Variants in CCDC102B observed in about 807,000 individuals in gnomAD.
CCDC102B encodes coiled-coil domain-containing protein 102B.
CCDC102B carries 75 observed loss-of-function variants against 57.4 expected under a neutral mutation model. The ratio of observed to expected loss-of-function variants is 1.31; its 90% CI spans 1.08 to 1.58. The LOEUF (loss-of-function observed/expected upper bound fraction) is 1.58. CCDC102B is among the 40% of genes most tolerant of loss of function. The pLI is 0.00. For synonymous variants in CCDC102B, 206 were observed against 201.9 expected (o/e 1.02, Z -0.17); for missense variants, 636 against 582.6 (o/e 1.09, Z -0.94).
chr18:68,726,835 A>C (rs1362485895), intron 2 of CCDC102B, among the ~76,000 whole-genome samples: 1 of 152,166 alleles, frequency 6.6e-6, no homozygotes, highest in Non-Finnish European at 1.5e-5. Context: ...TACCATGATC[A>C]TGAATCTGAT....
chr18:68,942,462 G>A lies in CCDC102B; in HGVS notation c.1263+45034G>A, dbSNP rs557648279. Among the ~76,000 whole-genome samples the A allele has an allele frequency of 1.3e-4, 20 of 152,150 alleles. No homozygotes were observed. In the South Asian group the frequency reaches 1.7e-3, roughly 13 times the overall value. ...CAGTATTTATTGATCATTATCGGGC[G>A]TTTCTCAGAGAGGGGAATGTGGCAG... is the stretch of plus-strand genomic sequence containing the variant. On this transcript the variant is annotated intron_variant, in intron 6 of 7. Transcript: ENST00000360242.
At chr18:68,952,841 A>G (rs1239403992) in intron 6 of CCDC102B, among the ~76,000 whole-genome samples, 2 of 152,188 alleles carry the variant, frequency 1.3e-5, no homozygotes, top group African/African-American at 2.4e-5. Context: ...GAAAATTTAT[A>G]TTGTTTGAAT....
chr18:68,805,615 A>G (rs2036005988), intron 1 of CCDC102B, among the ~76,000 whole-genome samples: 1 of 152,162 alleles, frequency 6.6e-6, no homozygotes, highest in African/African-American at 2.4e-5. Flanking sequence ...AGGTCAAAAA[A>G]GAGAGTTATG....
chr18:68,912,730 A>G (rs2040920175), intron 6 of CCDC102B, among the ~76,000 whole-genome samples: 1 of 152,218 alleles, frequency 6.6e-6, no homozygotes, highest in Non-Finnish European at 1.5e-5. Flanking sequence ...TGAAGCCCTT[A>G]TCCTAGATTC....
At chr18:69,057,865 CA>C (rs1448069313), downstream of CCDC102B, among the ~76,000 whole-genome samples, 3 of 151,940 alleles carry the variant, frequency 2.0e-5, no homozygotes, top group African/African-American at 7.2e-5. Context: ...CTTTTAGGTT[CA>C]GTGGGTACAT....
intron 6 of CCDC102B, among the ~76,000 whole-genome samples, chr18:68,927,458 T>C (rs1031109640): frequency 6.6e-6 from 1 of 152,026 alleles, no homozygotes. Flanking sequence ...GTCAATAGTT[T>C]TTACCTCCCC....
chr18:68,954,381 C>T (rs1295723161), intron 6 of CCDC102B, among the ~76,000 whole-genome samples: 1 of 152,180 alleles, frequency 6.6e-6, no homozygotes, highest in Admixed American at 6.6e-5. Flanking sequence ...GATCATGCCA[C>T]TGCGCTCCAG....
intron 6 of CCDC102B, among the ~76,000 whole-genome samples, chr18:69,002,948 A>G (rs1363232083): frequency 1.3e-5 from 2 of 151,998 alleles, no homozygotes; most frequent in Admixed American, 1.3e-4. Context: ...GAGTTCTCCC[A>G]CCTACCTGCA....
chr18:68,770,566 T>C (rs1321918557), intron 2 of CCDC102B, among the ~76,000 whole-genome samples: 1 of 152,162 alleles, frequency 6.6e-6, no homozygotes, highest in East Asian at 1.9e-4. Flanking sequence ...GGGGGGAGAA[T>C]TGTGGCTAAT....
chr18:68,883,319 G>C (rs1273428880), intron 5 of CCDC102B, among the ~76,000 whole-genome samples: 1 of 152,032 alleles, frequency 6.6e-6, no homozygotes, highest in Non-Finnish European at 1.5e-5. Flanking sequence ...GCTGAGGCAA[G>C]AGAATCGCTC....
chr18:68,994,288 G>A (rs1461082041), intron 6 of CCDC102B, among the ~76,000 whole-genome samples: 1 of 152,126 alleles, frequency 6.6e-6, no homozygotes, highest in Non-Finnish European at 1.5e-5. Flanking sequence ...AGTGAAGTTT[G>A]TAAATATTCA....
intron 1 of CCDC102B, among the ~76,000 whole-genome samples, chr18:68,833,383 G>T (rs1214303567): frequency 7.7e-5 from 11 of 142,458 alleles, no homozygotes; most frequent in Non-Finnish European, 1.4e-4. Flanking sequence ...TGCTTTTCCT[G>T]TTTTTTTTTT....
At chr18:68,944,342 A>G (rs1287405746) in intron 6 of CCDC102B, among the ~76,000 whole-genome samples, 3 of 152,098 alleles carry the variant, frequency 2.0e-5, no homozygotes, top group African/African-American at 4.8e-5. Flanking sequence ...AGCACATTTA[A>G]GCTTATAAAA....
intron 6 of CCDC102B, among the ~76,000 whole-genome samples, chr18:68,956,463 A>ATATATAT (rs2049878190): frequency 4.6e-5 from 1 of 21,692 alleles, no homozygotes; most frequent in African/African-American, 1.0e-4. Context: ...TATATATTTT[A>ATATATAT]TATATATATT....
chr18:68,857,330 A>ATATATATTTATATATTATATATATAT (rs1568293275), intron 4 of CCDC102B, among the ~76,000 whole-genome samples: 1 of 67,160 alleles, frequency 1.5e-5, no homozygotes, highest in African/African-American at 5.5e-5. Context: ...TATATATATA[A>ATATATATTTATATATTATATATATAT]AATATATATT....
intron 6 of CCDC102B, among the ~76,000 whole-genome samples, chr18:68,994,456 C>A (rs2145335342): frequency 6.6e-6 from 1 of 152,160 alleles, no homozygotes; most frequent in East Asian, 1.9e-4. Flanking sequence ...GTCCAAATCT[C>A]ACCTTGAATT....
At chr18:68,825,963 CG>C (rs965934448) in intron 1 of CCDC102B, among the ~76,000 whole-genome samples, 2 of 152,014 alleles carry the variant, frequency 1.3e-5, no homozygotes, top group African/African-American at 4.8e-5. Flanking sequence ...TTATATTTCC[CG>C]TTACTGTCAT....
intron 7 of CCDC102B, among the ~76,000 whole-genome samples, chr18:69,050,942 T>A (rs933264790): frequency 2.0e-5 from 3 of 152,164 alleles, no homozygotes; most frequent in Non-Finnish European, 2.9e-5. Flanking sequence ...TGGTGTACAG[T>A]GGTATGATCA....
chr18:68,840,964 A>G (rs1439053365), intron 3 of CCDC102B, among the ~76,000 whole-genome samples: 1 of 152,198 alleles, frequency 6.6e-6, no homozygotes, highest in African/African-American at 2.4e-5. Flanking sequence ...AAGAGAAAAA[A>G]GGAAGCTTTC....
Sources: allele counts gnomAD v4.1 joint callset (sites outside exome capture counted in the v4.1 genomes callset), GRCh38; gene constraint gnomAD v4.1.1; transcripts MANE v1.5; gene names NCBI Gene and HGNC (gene_info 2026-07-23, HGNC 2026-07-21).